ANXA4: variants seen among roughly 807,000 people sequenced by gnomAD.
The protein encoded by ANXA4 is annexin A4.
Under a neutral mutation model 49.8 loss-of-function variants are expected in ANXA4, and 39 were observed. The ratio of observed to expected loss-of-function variants is 0.78; its 90% CI spans 0.61 to 1.02. The LOEUF is 1.02. Ranked by LOEUF, ANXA4 falls within the 50% of genes least tolerant of loss-of-function variation. The pLI is 0.00. For synonymous variants in ANXA4, 134 were observed against 152.5 expected, an observed-to-expected ratio of 0.88 and a Z score of 0.89; for missense variants, 360 against 410.1, an observed-to-expected ratio of 0.88 and a Z score of 1.05.
chr2:69,818,717 G>T (rs1360176422), intron 10 of ANXA4, 23 bp downstream of exon 10: 1 of 1,466,334 alleles, frequency 6.8e-7, no homozygotes, highest in Non-Finnish European at 9.4e-7. Context: ...GGGGAGTAGA[G>T]AAACAAATGT....
At chr2:69,783,743 G>A (rs767938604) in intron 2 of ANXA4, among the ~76,000 whole-genome samples, 6 of 152,108 alleles carry the variant, frequency 3.9e-5, no homozygotes, top group East Asian at 3.9e-4. Flanking sequence ...CTCCATGCCC[G>A]TTTCATATTA....
In ANXA4 at chr2:69,683,543, C is replaced by T. The variant is rs375634903; in HGVS notation, n.766+30261C>T. On this transcript the variant is annotated intron_variant and non_coding_transcript_variant, in intron 2 of 3. Coordinates refer to the ANXA4 transcript ENST00000418066. ...TAGTTTTGTTTTGAAATTACCTCTT[C>T]TGAGAAACCAAAGAGGAACGATATG... Among the ~76,000 whole-genome samples the T allele has an allele frequency of 1.8e-3, 276 of 152,294 alleles. 1 individual carries two copies. The highest frequency in any genetic ancestry group is 6.4e-3 in the African/African-American group (265 of 41,568).
chr2:69,773,035 A>G (rs1671794839), intron 1 of ANXA4, among the ~76,000 whole-genome samples: 1 of 152,176 alleles, frequency 6.6e-6, no homozygotes. Context: ...AAAGAAAGAA[A>G]GAAAGAAATT....
chr2:69,748,118 G>A (rs952837514), intron 1 of ANXA4, among the ~76,000 whole-genome samples: 2 of 152,104 alleles, frequency 1.3e-5, no homozygotes, highest in African/African-American at 4.8e-5. Context: ...GCTCATGCCT[G>A]TAATCACAGC....
At chr2:69,765,763 C>T (rs10187042) in intron 1 of ANXA4, among the ~76,000 whole-genome samples, 6,249 of 151,996 alleles carry the variant, frequency 0.041, 201 homozygotes, top group South Asian at 0.092. Flanking sequence ...GACTGGAGTT[C>T]GATACTATGC....
At chr2:69,652,398 C>T (rs1164255680) in intron 1 of ANXA4, among the ~76,000 whole-genome samples, 2 of 152,190 alleles carry the variant, frequency 1.3e-5, no homozygotes, top group Non-Finnish European at 2.9e-5. Flanking sequence ...TCTGTTTACT[C>T]ATCCTTAGAT....
At chr2:69,761,101 A>C (rs1049552634) in intron 1 of ANXA4, among the ~76,000 whole-genome samples, 36 of 152,184 alleles carry the variant, frequency 2.4e-4, no homozygotes, top group Middle Eastern at 3.4e-3. Context: ...AAAGTAAAGA[A>C]ACAGGCAAAA....
At chr2:69,825,319 T>G (rs902757738) in intron 12 of ANXA4, 137 bp from the exon 13 acceptor site, 6 of 685,906 alleles carry the variant, frequency 8.7e-6, no homozygotes, top group Admixed American at 3.1e-5. Context: ...AAGTATTACC[T>G]TCGTAATAAA....
At chr2:69,802,394 AAGAGGAAAGG>A (rs1302170707) in intron 3 of ANXA4, among the ~76,000 whole-genome samples, 1 of 152,184 alleles carries the variant, frequency 6.6e-6, no homozygotes, top group African/African-American at 2.4e-5. Context: ...GACTTGAATG[AAGAGGAAAGG>A]AGAGGGTAAA....
In ANXA4 at chr2:69,825,066, CAAA is replaced by C. The variant is rs10565929; in HGVS notation, c.907-368_907-366del. 4.2e-3 allele frequency among the ~76,000 whole-genome samples: 223 copies of C among 52,888 alleles called. 2 individuals carry two copies. The highest frequency in any genetic ancestry group is 0.022 in the Middle Eastern group (1 of 46). The allele number at this position is 52,888 out of a possible 152,430, so 34.7% of individuals were successfully genotyped here. A position where few individuals can be genotyped will look rare whatever the true frequency, so the allele number is the denominator to read the frequency against. ...TGGGTGACAGAACAAGACTCTGTCT[CAAA>C]AAAAAAAAAAAAAAAAAAAAACCAC... On this transcript the variant is annotated intron_variant, in intron 12 of 12. Transcript: ENST00000394295.
chr2:69,728,564 A>G (rs999732325), intron 3 of ANXA4, among the ~76,000 whole-genome samples: 5 of 152,204 alleles, frequency 3.3e-5, no homozygotes, highest in African/African-American at 1.2e-4. Flanking sequence ...TTAAATAGGT[A>G]TCAAAATTCA....
intron 2 of ANXA4, among the ~76,000 whole-genome samples, chr2:69,668,968 G>A (rs369993920): frequency 1.4e-5 from 2 of 146,430 alleles, no homozygotes; most frequent in South Asian, 2.2e-4. Flanking sequence ...GCAGAGTCTC[G>A]CTCTATCACC....
intron 2 of ANXA4, 31 bp downstream of exon 2, chr2:69,781,605 G>A (rs1672202869): frequency 6.2e-7 from 1 of 1,613,444 alleles, no homozygotes; most frequent in African/African-American, 1.3e-5. Flanking sequence ...ACCCTATCTG[G>A]TGCCAGCTGC....
intron 1 of ANXA4, among the ~76,000 whole-genome samples, chr2:69,651,182 G>A (rs561502756): frequency 6.6e-6 from 1 of 152,136 alleles, no homozygotes; most frequent in South Asian, 2.1e-4. Flanking sequence ...AAACAATATG[G>A]TGCAAAACAA....
At chr2:69,820,869 C>T (rs768549101) in intron 12 of ANXA4, 48 bp downstream of exon 12, 6 of 1,576,186 alleles carry the variant, frequency 3.8e-6, no homozygotes, top group Non-Finnish European at 5.2e-6. Context: ...AGAAAAGGAC[C>T]CCTCTGACCT....
upstream of ANXA4, among the ~76,000 whole-genome samples, chr2:69,738,128 A>G (rs1362090222): frequency 6.6e-6 from 1 of 152,180 alleles, no homozygotes; most frequent in African/African-American, 2.4e-5. Flanking sequence ...CTGAAAATCA[A>G]ATCTAACTAA....
chr2:69,724,258 C>T (rs545478378), intron 3 of ANXA4, among the ~76,000 whole-genome samples: 1 of 152,306 alleles, frequency 6.6e-6, no homozygotes, highest in South Asian at 2.1e-4. Flanking sequence ...TTGCTGTGGG[C>T]AAATGAGGTG....
At chr2:69,660,467 CA>C (rs780430929) in intron 2 of ANXA4, among the ~76,000 whole-genome samples, 14 of 152,076 alleles carry the variant, frequency 9.2e-5, no homozygotes, top group Non-Finnish European at 8.8e-5. Flanking sequence ...GTTAAGAGAA[CA>C]AAACAAGAGC....
chr2:69,802,003 G>A (rs969264373), intron 3 of ANXA4, among the ~76,000 whole-genome samples: 11 of 152,196 alleles, frequency 7.2e-5, no homozygotes, highest in Non-Finnish European at 1.2e-4. Flanking sequence ...GCACAGTTGG[G>A]TAAAGCACAA....
Sources: gnomAD v4.1 joint callset for allele counts (sites outside exome capture counted in the v4.1 genomes callset) on GRCh38, gnomAD v4.1.1 for gene constraint, MANE v1.5 for transcripts, NCBI Gene and HGNC (gene_info 2026-07-23, HGNC 2026-07-21) for gene names.